MICAL2: variants seen among roughly 807,000 people sequenced by gnomAD.
MICAL2 encodes the protein [F-actin]-monooxygenase MICAL2.
Under a neutral mutation model 127.3 loss-of-function variants are expected in MICAL2, and 77 were observed. That is an observed-to-expected ratio of 0.60 (90% CI 0.50 to 0.73). The LOEUF (loss-of-function observed/expected upper bound fraction) is 0.73, where lower values mean the gene tolerates loss of function less well. MICAL2 is among the 30% of genes least tolerant of loss of function. The probability of loss-of-function intolerance (pLI) is 0.00; values close to 1 mark genes in which losing one functional copy is unlikely to be tolerated. For synonymous variants in MICAL2, 570 were observed against 551.1 expected, an observed-to-expected ratio of 1.03 and a Z score of -0.48; for missense variants, 1,351 against 1,434.4, an observed-to-expected ratio of 0.94 and a Z score of 0.94.
chr11:12,134,868 G>A (rs574592737), intron 1 of MICAL2, among the ~76,000 whole-genome samples: 28 of 152,182 alleles, frequency 1.8e-4, no homozygotes, highest in Admixed American at 4.6e-4. Context: ...GGAAGGTTTC[G>A]AGGAGGCTCA....
At chr11:12,224,301 A>C (rs971705239) in intron 12 of MICAL2, 7 of 198,178 alleles carry the variant, frequency 3.5e-5, no homozygotes, top group African/African-American at 1.4e-4. Context: ...GCGCAGACTC[A>C]GGCAAACCTG....
At chr11:12,351,179 C>A (rs559801554) in intron 33 of MICAL2, among the ~76,000 whole-genome samples, 188 of 152,300 alleles carry the variant, frequency 1.2e-3, no homozygotes, top group African/African-American at 4.3e-3. Context: ...TGGGTTAGGA[C>A]GTGGACATAT....
intron 1 of MICAL2, among the ~76,000 whole-genome samples, chr11:12,115,795 AAAG>A (rs1849964023): frequency 6.6e-6 from 1 of 152,330 alleles, no homozygotes; most frequent in Middle Eastern, 3.4e-3. Context: ...TTTTCTTAAA[AAAG>A]AAGACTTCTT....
intron 2 of MICAL2, among the ~76,000 whole-genome samples, chr11:12,147,589 A>G (rs1853076359): frequency 6.6e-6 from 1 of 152,260 alleles, no homozygotes; most frequent in South Asian, 2.1e-4. Context: ...AGACAAGATT[A>G]GTGCACAAAA....
chr11:12,159,427 G>A (rs572820866), intron 2 of MICAL2, among the ~76,000 whole-genome samples: 14 of 152,308 alleles, frequency 9.2e-5, no homozygotes, highest in African/African-American at 2.2e-4. Context: ...TGCAGTGTGC[G>A]TTACCACATC....
At chr11:12,146,081 C>T (rs11022201) in intron 2 of MICAL2, among the ~76,000 whole-genome samples, 72,489 of 151,990 alleles carry the variant, frequency 0.48, 17,929 homozygotes, top group South Asian at 0.68. Flanking sequence ...GGATTAAAGG[C>T]TTTAATGTTA....
chr11:12,259,684 G>A (rs1862834628), intron 25 of MICAL2, 111 bp from the exon 26 acceptor site: 1 of 963,408 alleles, frequency 1.0e-6, no homozygotes. Context: ...GATTATTGTG[G>A]GGGCTGGTTG....
chr11:12,332,596 G>A (rs60674834), intron 32 of MICAL2, among the ~76,000 whole-genome samples: 4,712 of 152,226 alleles, frequency 0.031, 164 homozygotes, highest in Admixed American at 0.1. Context: ...ATTATTCACA[G>A]CATAGCAAAC....
chr11:12,351,111 C>A (rs1380406469), intron 33 of MICAL2, among the ~76,000 whole-genome samples: 2 of 152,172 alleles, frequency 1.3e-5, no homozygotes, highest in African/African-American at 4.8e-5. Flanking sequence ...ATCTTAAGAT[C>A]CTTAACTTAA....
downstream of MICAL2, chr11:12,294,525 G>C: frequency 6.2e-7 from 1 of 1,614,112 alleles, no homozygotes; most frequent in Non-Finnish European, 8.5e-7. Context: ...CCACCCTGCA[G>C]CAAGATTGAA....
At chr11:12,287,686 G>A (rs1358983537), downstream of MICAL2, among the ~76,000 whole-genome samples, 7 of 152,142 alleles carry the variant, frequency 4.6e-5, no homozygotes, top group Non-Finnish European at 1.0e-4. Context: ...AGTCACCCTT[G>A]GTCCCAGTGT....
intron 15 of MICAL2, among the ~76,000 whole-genome samples, chr11:12,230,244 GCAAAGAA>G (rs1858053467): frequency 6.6e-6 from 1 of 152,180 alleles, no homozygotes; most frequent in Non-Finnish European, 1.5e-5. Context: ...TTTCCCATTA[GCAAAGAA>G]CAGTGAGTCC....
At chr11:12,178,726 A>ATT (rs11438609) in intron 3 of MICAL2, among the ~76,000 whole-genome samples, 16,756 of 146,250 alleles carry the variant, frequency 0.11, 1,037 homozygotes, top group African/African-American at 0.13. Context: ...TATTATTACT[A>ATT]TTTTTTTTTT....
chr11:12,209,031 T>TA (rs397737282), intron 5 of MICAL2, among the ~76,000 whole-genome samples: 4 of 151,962 alleles, frequency 2.6e-5, no homozygotes, highest in African/African-American at 9.7e-5. Context: ...TTTTTTTTTT[T>TA]AAATAAAAGA....
intron 1 of MICAL2, among the ~76,000 whole-genome samples, chr11:12,135,232 T>C (rs1173015295): frequency 6.6e-6 from 1 of 152,232 alleles, no homozygotes; most frequent in Non-Finnish European, 1.5e-5. Flanking sequence ...GTAATATTAA[T>C]AATTAAGTAT....
intron 2 of MICAL2, among the ~76,000 whole-genome samples, chr11:12,151,722 C>G (rs1370177344): frequency 6.6e-6 from 1 of 152,114 alleles, no homozygotes; most frequent in Non-Finnish European, 1.5e-5. Context: ...ATGGGGGATT[C>G]TTATGGGTCG....
intron 3 of MICAL2, among the ~76,000 whole-genome samples, chr11:12,173,098 TAGAA>T (rs1203073212): frequency 6.6e-6 from 1 of 152,208 alleles, no homozygotes; most frequent in Non-Finnish European, 1.5e-5. Context: ...TGCAGCTTCT[TAGAA>T]AGATAAACCG....
chr11:12,203,323 C>G (rs1854269235), intron 3 of MICAL2, among the ~76,000 whole-genome samples: 1 of 152,136 alleles, frequency 6.6e-6, no homozygotes, highest in Admixed American at 6.5e-5. Context: ...CTATGTTTAA[C>G]TTTTGGAGGA....
chr11:12,253,663 G>A (rs1046437648), intron 22 of MICAL2: 5 of 152,190 alleles, frequency 3.3e-5, no homozygotes, highest in Non-Finnish European at 7.3e-5. Context: ...AACCCGAGGA[G>A]GGAAACACGG....
Sources: gnomAD v4.1 joint callset for allele counts (sites outside exome capture counted in the v4.1 genomes callset) on GRCh38, gnomAD v4.1.1 for gene constraint, MANE v1.5 for transcripts, NCBI Gene and HGNC (gene_info 2026-07-23, HGNC 2026-07-21) for gene names.